Variants in CAMTA1 observed in about 807,000 individuals in gnomAD.
The protein encoded by CAMTA1 is calmodulin-binding transcription activator 1.
In CAMTA1, 27 loss-of-function variants were observed where a neutral mutation model predicts 170.9. The observed-to-expected ratio is 0.16, with a 90% CI of 0.12 to 0.22. The LOEUF (loss-of-function observed/expected upper bound fraction) is 0.22, where lower values mean the gene tolerates loss of function less well. Among genes scored for constraint, CAMTA1 ranks in the 10% least tolerant of loss-of-function variants. The pLI is 1.00. For synonymous variants in CAMTA1, 833 were observed against 891.5 expected (o/e 0.93, Z 1.17); for missense variants, 1,619 against 2,217.2 (o/e 0.73, Z 5.42).
At chr1:7,716,660 G>C (rs1173873321) in intron 11 of CAMTA1, among the ~76,000 whole-genome samples, 2 of 152,090 alleles carry the variant, frequency 1.3e-5, no homozygotes, top group East Asian at 3.9e-4. Context: ...TGTGCAGATG[G>C]TCCCCCTAGA....
intron 5 of CAMTA1, among the ~76,000 whole-genome samples, chr1:7,353,721 G>A (rs1438628135): frequency 6.6e-6 from 1 of 152,064 alleles, no homozygotes; most frequent in Non-Finnish European, 1.5e-5. Context: ...ACCGTGCTGG[G>A]CCTGAACTCT....
chr1:7,725,187 G>A (rs187170464), intron 11 of CAMTA1, among the ~76,000 whole-genome samples: 3 of 152,292 alleles, frequency 2.0e-5, no homozygotes, highest in East Asian at 1.9e-4. Flanking sequence ...GGAAGGTAGC[G>A]GGAAGGAACT....
chr1:7,640,296 G>A lies in CAMTA1; in HGVS notation c.511-104G>A, dbSNP rs1576541776. On this transcript the variant is annotated intron_variant, in intron 6 of 22. Coordinates refer to ENST00000303635, the MANE Select transcript of CAMTA1 (RefSeq NM_015215.4). The stretch of plus-strand genomic sequence containing the variant: ...CAGTGTGAGGTCAAGAGAGCCGGGT[G>A]TCTGGGGCCTCAGTCTCTGCCTGCA... 6 of 1,281,740 alleles carry A rather than the reference G, an allele frequency of 4.7e-6. No individual in the cohort carries two copies. In the South Asian group the frequency reaches 5.3e-5, roughly 11 times the overall value. 79.4% of individuals were successfully genotyped at this position (1,281,740 alleles called of 1,614,324 possible).
intron 6 of CAMTA1, among the ~76,000 whole-genome samples, chr1:7,616,352 C>A (rs1416266352): frequency 1.3e-5 from 2 of 152,258 alleles, no homozygotes; most frequent in African/African-American, 4.8e-5. Flanking sequence ...ACGCTGCTCA[C>A]TCTGTTCTTG....
Position 7,682,529 on chromosome 1 carries a change from G to GT in CAMTA1, c.2914+4797dup, listed in dbSNP as rs2149326692. ...CCACTTCGGAGCTGCCACCTTAGGT[G>GT]TGAGAGGGCCTGTCCCTGGCATGTG... On this transcript the variant is annotated intron_variant, in intron 11 of 22. Coordinates refer to ENST00000303635, the MANE Select transcript of CAMTA1 (RefSeq NM_015215.4). This position sits in a 1 kb window ranked among gnomAD's most constrained non-coding sequence, Gnocchi z 5.0. Among the ~76,000 whole-genome samples the GT allele has an allele frequency of 6.6e-6, 1 of 152,368 alleles. No individual in the cohort carries two copies. Among genetic ancestry groups the GT allele is most frequent in the East Asian group, 1.9e-4 (1 of 5,188 alleles).
chr1:7,436,103 T>C (rs2092338520), intron 5 of CAMTA1, among the ~76,000 whole-genome samples: 1 of 152,194 alleles, frequency 6.6e-6, no homozygotes. Context: ...CACAGCCTGA[T>C]ATGAATATTG....
intron 3 of CAMTA1, among the ~76,000 whole-genome samples, chr1:6,962,786 C>T (rs1348506881): frequency 4.0e-5 from 6 of 151,174 alleles, no homozygotes; most frequent in Admixed American, 3.3e-4. Flanking sequence ...GGACCCACCC[C>T]TCTTTTTGGG....
intron 3 of CAMTA1, among the ~76,000 whole-genome samples, chr1:6,992,179 C>T (rs1696492163): frequency 6.6e-6 from 1 of 152,208 alleles, no homozygotes; most frequent in African/African-American, 2.4e-5. Flanking sequence ...AAGCAATCCT[C>T]TCACCTCAGC....
rs937097080 is a variant in CAMTA1 at position 6,934,351 on chromosome 1, G to A, written c.234+109141G>A. ...GCATGGCAGAGGAACCACCCCTCTT[G>A]TAAAAGAGGCACACACAGCCCTCCT... is the stretch of plus-strand genomic sequence containing the variant. On this transcript the variant is annotated intron_variant, in intron 3 of 22. Transcript: ENST00000303635. This position sits in a 1 kb window ranked among gnomAD's most constrained non-coding sequence, Gnocchi z 4.5. 1.4e-4 allele frequency among the ~76,000 whole-genome samples: 21 copies of A among 152,128 alleles called. No individual in the cohort carries two copies. The highest frequency in any genetic ancestry group is 2.9e-5 in the Non-Finnish European group (2 of 68,028).
chr1:7,017,741 C>T (rs569977034), intron 3 of CAMTA1, among the ~76,000 whole-genome samples: 1 of 152,268 alleles, frequency 6.6e-6, no homozygotes, highest in African/African-American at 2.4e-5. Context: ...ACTGAATGAC[C>T]AAGTGCCCCA....
At position 7,732,294 on chromosome 1, in the gene CAMTA1, G is replaced by A. The variant is rs545566174; in HGVS notation, c.2915-154G>A. Among the ~76,000 whole-genome samples the A allele has an allele frequency of 2.0e-5, 3 of 152,286 alleles. No homozygotes were observed. The highest frequency in any genetic ancestry group is 1.9e-4 in the East Asian group (1 of 5,180). On this transcript the variant is annotated intron_variant, in intron 11 of 22. Coordinates refer to ENST00000303635, the MANE Select transcript of CAMTA1 (RefSeq NM_015215.4). The surrounding 1 kb of genome is among the most constrained non-coding windows in gnomAD (Gnocchi z 4.1). ...CTGTGTGAGGTGGTGACAGATTCAC[G>A]ATCGTGCTGGGGAACTCTGGCTGGC...
At chr1:7,107,306 G>A (rs961609341) in intron 4 of CAMTA1, among the ~76,000 whole-genome samples, 6 of 151,522 alleles carry the variant, frequency 4.0e-5, no homozygotes, top group Non-Finnish European at 7.4e-5. Flanking sequence ...GTGTGTGCGC[G>A]CCCACACACA....
intron 4 of CAMTA1, among the ~76,000 whole-genome samples, chr1:7,111,088 T>C (rs1221449003): frequency 6.6e-6 from 1 of 152,222 alleles, no homozygotes. Flanking sequence ...TTCCCCCATC[T>C]TGAGAGCCAG....
intron 3 of CAMTA1, among the ~76,000 whole-genome samples, chr1:7,031,627 C>T (rs1389732836): frequency 6.6e-6 from 1 of 152,122 alleles, no homozygotes; most frequent in Non-Finnish European, 1.5e-5. Context: ...GCAACCTCCG[C>T]CTCCCGGGTT....
intron 5 of CAMTA1, among the ~76,000 whole-genome samples, chr1:7,415,946 G>A (rs2091135857): frequency 6.6e-6 from 1 of 152,164 alleles, no homozygotes; most frequent in African/African-American, 2.4e-5. Context: ...CTCTTTTAGG[G>A]CAGGCCTGGC....
Position 7,760,109 on chromosome 1 carries a change from T to TA in CAMTA1, c.4989+4444dup, listed in dbSNP as rs541649472. ...TGCTGGCCTAGTCACCTGTGTTCAGTAAAGGCAGGTGCAGTTATTTTACTG... is the reference window on the plus strand; with the variant it reads ...TGCTGGCCTAGTCACCTGTGTTCAGTAAAAGGCAGGTGCAGTTATTTTACTG... On this transcript the variant is annotated intron_variant, in intron 22 of 22. Coordinates refer to ENST00000303635, the MANE Select transcript of CAMTA1 (RefSeq NM_015215.4). 2.6e-5 allele frequency among the ~76,000 whole-genome samples: 4 copies of TA among 152,372 alleles called. No individual in the cohort carries two copies. The South Asian group carries it at 8.3e-4, about 32-fold the overall frequency.
intron 5 of CAMTA1, among the ~76,000 whole-genome samples, chr1:7,380,443 G>A (rs555737447): frequency 1.4e-4 from 21 of 152,224 alleles, no homozygotes; most frequent in African/African-American, 5.1e-4. Flanking sequence ...GCGTGGTAGC[G>A]CATGCCTGTA....
chr1:7,601,426 G>A (rs1338681110), intron 6 of CAMTA1, among the ~76,000 whole-genome samples: 5 of 151,886 alleles, frequency 3.3e-5, no homozygotes, highest in Admixed American at 6.5e-5. Context: ...ATGGGATGGC[G>A]GCCGGGCAGA....
At chr1:7,496,930 C>T (rs1467533424) in intron 6 of CAMTA1, among the ~76,000 whole-genome samples, 1 of 151,958 alleles carries the variant, frequency 6.6e-6, no homozygotes, top group Non-Finnish European at 1.5e-5. Flanking sequence ...GAGCAGCCAC[C>T]GAGACACTCT....
Sources: allele counts gnomAD v4.1 joint callset (sites outside exome capture counted in the v4.1 genomes callset), GRCh38; gene constraint gnomAD v4.1.1; non-coding constraint Gnocchi (gnomAD v3.1); transcripts MANE v1.5; gene names NCBI Gene and HGNC (gene_info 2026-07-23, HGNC 2026-07-21).